The following LRRC7 variants were observed in gnomAD, a reference collection of about 807,000 sequenced individuals.
The protein encoded by LRRC7 is leucine rich repeat containing 7.
A neutral mutation model predicts 175.7 loss-of-function variants in LRRC7; 23 were observed. That is an observed-to-expected ratio of 0.13 (90% CI 0.09 to 0.19). LRRC7 has a LOEUF of 0.19. Ranked by LOEUF, LRRC7 falls within the 10% of genes least tolerant of loss-of-function variation. The probability of loss-of-function intolerance (pLI) is 1.00; values close to 1 mark genes in which losing one functional copy is unlikely to be tolerated. For synonymous variants in LRRC7, 685 were observed against 680.9 expected, an observed-to-expected ratio of 1.01 and a Z score of -0.09; for missense variants, 1,354 against 1,904.7, an observed-to-expected ratio of 0.71 and a Z score of 5.38.
chr1:69,748,209 A>T, intron 2 of LRRC7, among the ~76,000 whole-genome samples: 1 of 152,314 alleles, frequency 6.6e-6, no homozygotes, highest in Non-Finnish European at 1.5e-5. Flanking sequence ...ATACTAATAA[A>T]CTTAGAAGAT....
At chr1:69,716,196 G>A (rs1665327388) in intron 2 of LRRC7, 1 of 482,784 alleles carries the variant, frequency 2.1e-6, no homozygotes, top group Non-Finnish European at 3.8e-6. Context: ...CTAGAAGTCT[G>A]CAGAGACAGG....
At chr1:69,919,707 G>A in intron 7 of LRRC7, 1 of 1,002,686 alleles carries the variant, frequency 1.0e-6, no homozygotes, top group Non-Finnish European at 1.6e-6. Context: ...AAGGCCAGGG[G>A]AGACCTGGGT....
intron 24 of LRRC7, among the ~76,000 whole-genome samples, chr1:70,077,323 T>C (rs1224846424): frequency 2.0e-5 from 3 of 152,118 alleles, no homozygotes; most frequent in African/African-American, 7.2e-5. Context: ...ATCTTCTCCC[T>C]CTCCTGCCTT....
chr1:69,578,131 G>T (rs1020152113), intron 1 of LRRC7, among the ~76,000 whole-genome samples: 1 of 152,068 alleles, frequency 6.6e-6, no homozygotes, highest in Non-Finnish European at 1.5e-5. Context: ...AGGGGGCGAA[G>T]GACATGAACA....
At chr1:70,121,344 G>A (rs1666196520) in intron 26 of LRRC7, among the ~76,000 whole-genome samples, 1 of 152,010 alleles carries the variant, frequency 6.6e-6, no homozygotes, top group South Asian at 2.1e-4. Flanking sequence ...TGTACTATAA[G>A]TGTCCAGTCA....
intron 3 of LRRC7, among the ~76,000 whole-genome samples, chr1:69,766,869 T>C (rs1227451430): frequency 6.6e-6 from 1 of 152,182 alleles, no homozygotes; most frequent in Non-Finnish European, 1.5e-5. Flanking sequence ...AAACTTACAC[T>C]GTCTTTTTTT....
At chr1:69,625,261 G>A (rs1450230274) in intron 1 of LRRC7, among the ~76,000 whole-genome samples, 1 of 150,926 alleles carries the variant, frequency 6.6e-6, no homozygotes, top group African/African-American at 2.4e-5. Context: ...TCAAATATGT[G>A]AGCATAAACT....
intron 2 of LRRC7, among the ~76,000 whole-genome samples, chr1:69,693,448 G>A (rs918895359): frequency 5.3e-5 from 8 of 152,152 alleles, no homozygotes; most frequent in African/African-American, 1.7e-4. Flanking sequence ...AAAATCTGCA[G>A]GATAGGCCGA....
intron 3 of LRRC7, among the ~76,000 whole-genome samples, chr1:69,782,669 G>A (rs962950826): frequency 1.3e-5 from 2 of 152,298 alleles, no homozygotes; most frequent in Admixed American, 6.5e-5. Flanking sequence ...AGCCTTGAAA[G>A]CCACATTAAG....
chr1:69,783,009 C>T, intron 3 of LRRC7, among the ~76,000 whole-genome samples: 1 of 152,192 alleles, frequency 6.6e-6, no homozygotes, highest in East Asian at 1.9e-4. Flanking sequence ...AAGCTCAGAC[C>T]CTTACAGCCT....
At chr1:69,849,992 A>G (rs1008592614) in intron 7 of LRRC7, among the ~76,000 whole-genome samples, 24 of 152,214 alleles carry the variant, frequency 1.6e-4, no homozygotes, top group African/African-American at 4.6e-4. Context: ...GGTAACTGCT[A>G]TGAAGAACAC....
intron 3 of LRRC7, among the ~76,000 whole-genome samples, chr1:69,773,536 C>T (rs1672476586): frequency 6.6e-6 from 1 of 152,050 alleles, no homozygotes; most frequent in Non-Finnish European, 1.5e-5. Context: ...AATTAAGGGC[C>T]TTAAATGTAT....
intron 2 of LRRC7, among the ~76,000 whole-genome samples, chr1:69,750,018 G>A (rs992285584): frequency 5.3e-5 from 8 of 151,170 alleles, no homozygotes; most frequent in South Asian, 2.1e-4. Flanking sequence ...CTGAGATCAC[G>A]CCACTGCACT....
intron 1 of LRRC7, among the ~76,000 whole-genome samples, chr1:69,633,828 C>T (rs143419785): frequency 6.2e-4 from 95 of 152,270 alleles, no homozygotes; most frequent in Middle Eastern, 6.8e-3. Flanking sequence ...GCAGACCCCT[C>T]ACCCTGGCAA....
chr1:70,038,405 C>G lies in LRRC7; in HGVS notation c.2581C>G (p.Leu861Val). ...CAGGATTGTTGGTGTTCCCCTGGAA[C>G]TCGAGCAGTCTACACACAGACACAC... The part of the protein sequence containing the change: ...QDRIVGVPLE[L>V]EQSTHRHTPE... Residue 861 changes from leucine to valine, a missense_variant, in exon 21 of 27, where the codon CTC (leucine) becomes GTC (valine). Around this residue, in one of 4 missense-constraint regions of LRRC7, gnomAD observed 1,032 missense variants for 1,227.2 expected, o/e 0.84. Transcript: ENST00000651989. The G allele has an allele frequency of 6.2e-7, 1 of 1,614,122 alleles. No individual in the cohort carries two copies.
intron 24 of LRRC7, among the ~76,000 whole-genome samples, chr1:70,077,424 C>T (rs1323562012): frequency 1.3e-5 from 2 of 152,124 alleles, no homozygotes; most frequent in Non-Finnish European, 2.9e-5. Flanking sequence ...TCTCCAGATA[C>T]TCTTAAAAGT....
At chr1:69,572,642 T>C (rs1175167444) in intron 1 of LRRC7, among the ~76,000 whole-genome samples, 1 of 152,014 alleles carries the variant, frequency 6.6e-6, no homozygotes, top group Non-Finnish European at 1.5e-5. Context: ...CCTGAGATAG[T>C]GAAAGAGGAG....
At chr1:69,661,006 G>A (rs1182560931) in intron 1 of LRRC7, among the ~76,000 whole-genome samples, 1 of 151,898 alleles carries the variant, frequency 6.6e-6, no homozygotes, top group Non-Finnish European at 1.5e-5. Flanking sequence ...ATGCACAAAA[G>A]AAGCCAGTAG....
intron 7 of LRRC7, among the ~76,000 whole-genome samples, chr1:69,902,089 T>A (rs1646150504): frequency 6.6e-6 from 1 of 152,174 alleles, no homozygotes; most frequent in South Asian, 2.1e-4. Flanking sequence ...ATAATAAGAC[T>A]TCATAATAGC....
Sources: gnomAD v4.1 joint callset for allele counts (sites outside exome capture counted in the v4.1 genomes callset) on GRCh38, gnomAD v4.1.1 for gene constraint, gnomAD v4.1.1 regional missense constraint, MANE v1.5 for transcripts, NCBI Gene and HGNC (gene_info 2026-07-23, HGNC 2026-07-21) for gene names.